Variants in SPACA7 observed in about 807,000 individuals in gnomAD.
The protein encoded by SPACA7 is sperm acrosome associated 7, also known as sperm acrosome-associated protein 7.
Under a neutral mutation model 26.3 loss-of-function variants are expected in SPACA7, and 19 were observed. The observed-to-expected ratio is 0.72, with a 90% CI of 0.50 to 1.06. SPACA7 has a LOEUF of 1.06. Among genes scored for constraint, SPACA7 ranks in the 50% least tolerant of loss-of-function variants. SPACA7 has a pLI of 0.00. For missense variants in SPACA7, 211 were observed against 229.9 expected, an observed-to-expected ratio of 0.92 and a Z score of 0.53; for synonymous variants, 84 against 84.5, an observed-to-expected ratio of 0.99 and a Z score of 0.04.
At chr13:112,432,025 T>C (rs1877195004) in intron 5 of SPACA7, among the ~76,000 whole-genome samples, 1 of 152,158 alleles carries the variant, frequency 6.6e-6, no homozygotes, top group South Asian at 2.1e-4. Context: ...TCAGTGTCTG[T>C]AAAACCTGTG....
At chr13:112,390,392 C>T (rs987340566) in intron 1 of SPACA7, among the ~76,000 whole-genome samples, 4 of 152,120 alleles carry the variant, frequency 2.6e-5, no homozygotes, top group Non-Finnish European at 5.9e-5. Flanking sequence ...ACGGAAGAAC[C>T]TTGCCCACGT....
intron 5 of SPACA7, among the ~76,000 whole-genome samples, chr13:112,429,505 G>A (rs943100256): frequency 6.6e-6 from 1 of 151,932 alleles, no homozygotes; most frequent in East Asian, 1.9e-4. Context: ...TCTTATCTTT[G>A]TCTATCATTT....
Position 112,399,183 on chromosome 13 carries a change from A to G in SPACA7, c.349+10A>G. Reference sequence around the variant, plus strand: ...AAAATTTCCAATGATGGTAAATGCAACCCAGTAATTACCCCTTCCCAAGTC... The same window carrying G: ...AAAATTTCCAATGATGGTAAATGCAGCCCAGTAATTACCCCTTCCCAAGTC... On this transcript the variant is annotated intron_variant, in intron 4 of 6. Coordinates refer to ENST00000283550, the MANE Select transcript of SPACA7 (RefSeq NM_145248.5). 1 of 1,397,834 alleles carries G rather than the reference A, an allele frequency of 7.2e-7. No individual in the cohort carries two copies. The highest frequency in any genetic ancestry group is 1.0e-6 in the Non-Finnish European group (1 of 982,904). The allele number at this position is 1,397,834 out of a possible 1,614,324, so 86.6% of individuals were successfully genotyped here.
At chr13:112,433,773 C>T (rs1877435474) in intron 6 of SPACA7, among the ~76,000 whole-genome samples, 1 of 149,612 alleles carries the variant, frequency 6.7e-6, no homozygotes, top group Non-Finnish European at 1.5e-5. Context: ...CTGCTCGTGC[C>T]CCCAGCAGCA....
chr13:112,390,128 G>A (rs776724296), intron 1 of SPACA7, among the ~76,000 whole-genome samples: 2 of 124,742 alleles, frequency 1.6e-5, no homozygotes, highest in Non-Finnish European at 3.9e-5. Context: ...AGAGAAGGGT[G>A]TAATGGGGGT....
intron 6 of SPACA7, 25 bp downstream of exon 6, chr13:112,432,546 G>A: frequency 6.6e-7 from 1 of 1,518,992 alleles, no homozygotes. Context: ...ATAGATAAGT[G>A]TCTTCTCATT....
intron 1 of SPACA7, among the ~76,000 whole-genome samples, chr13:112,377,957 T>G (rs1883799784): frequency 6.6e-6 from 1 of 152,208 alleles, no homozygotes; most frequent in African/African-American, 2.4e-5. Flanking sequence ...TTCTGGATTT[T>G]GGGCTCAAGG....
intron 1 of SPACA7, among the ~76,000 whole-genome samples, chr13:112,392,648 C>CT (rs1300701905): frequency 2.6e-5 from 4 of 152,206 alleles, no homozygotes; most frequent in Admixed American, 2.6e-4. Context: ...AACATGCCCT[C>CT]TTACTCTGCT....
intron 5 of SPACA7, among the ~76,000 whole-genome samples, chr13:112,425,537 G>A (rs1413190528): frequency 6.6e-6 from 1 of 152,118 alleles, no homozygotes; most frequent in Non-Finnish European, 1.5e-5. Context: ...TATTCGATTG[G>A]CACCAACATT....
intron 2 of SPACA7, among the ~76,000 whole-genome samples, chr13:112,397,255 C>T (rs1156799860): frequency 6.6e-6 from 1 of 152,192 alleles, no homozygotes; most frequent in Non-Finnish European, 1.5e-5. Flanking sequence ...TGAGGAGCTT[C>T]TTCTTGAGGG....
chr13:112,382,793 G>T (rs1884164006), intron 1 of SPACA7, among the ~76,000 whole-genome samples: 1 of 151,938 alleles, frequency 6.6e-6, no homozygotes, highest in Admixed American at 6.6e-5. Flanking sequence ...TTCGAGACCA[G>T]CCTGGCCAAC....
chr13:112,420,370 G>A (rs1044729079), intron 5 of SPACA7, among the ~76,000 whole-genome samples: 1 of 151,870 alleles, frequency 6.6e-6, no homozygotes, highest in African/African-American at 2.4e-5. Flanking sequence ...GGAGAGATAT[G>A]GAAATTATAA....
intron 1 of SPACA7, among the ~76,000 whole-genome samples, chr13:112,381,314 AC>A (rs1038692446): frequency 6.6e-6 from 1 of 151,924 alleles, no homozygotes; most frequent in African/African-American, 2.4e-5. Flanking sequence ...ATATGGTGAA[AC>A]CCCATCTCTA....
intron 5 of SPACA7, among the ~76,000 whole-genome samples, chr13:112,413,455 G>A (rs915569696): frequency 5.3e-5 from 8 of 151,246 alleles, no homozygotes; most frequent in South Asian, 2.1e-4. Flanking sequence ...GCTGCCAGAT[G>A]TATCAGAGCT....
At position 112,432,470 on chromosome 13, in the gene SPACA7, GA is replaced by G. The variant is rs1340524835; in HGVS notation, c.476del (p.Asn159IlefsTer52). Reference sequence around the variant, plus strand: ...AAAGAATTCAAAGAACACTCAGTATGAAAATCTATCCATTCTGGACCAAATC... The same window carrying G: ...AAAGAATTCAAAGAACACTCAGTATGAAATCTATCCATTCTGGACCAAATC... ...KEKNSKNTQY[E>X]NLSILDQILQ... On this transcript the variant is annotated frameshift_variant, in exon 6 of 7. Transcript: ENST00000283550. LOFTEE classifies it low-confidence loss of function (END_TRUNC). The G allele has an allele frequency of 6.2e-7, 1 of 1,611,282 alleles. No homozygotes were observed.
chr13:112,383,150 AAAG>A lies in SPACA7; in HGVS notation c.94+6674_94+6676del, dbSNP rs1884276118. ...GAAAGAAAGAAAGAAAGAAAGAAAG[AAAG>A]AAAGAAAGAAAGAAAGAAAGAAAGA... On this transcript the variant is annotated intron_variant, in intron 1 of 6. Coordinates refer to ENST00000283550, the MANE Select transcript of SPACA7 (RefSeq NM_145248.5). Among the ~76,000 whole-genome samples the A allele has an allele frequency of 4.1e-5, 5 of 122,708 alleles. No homozygotes were observed. The South Asian group carries it at 1.3e-3, about 32-fold the overall frequency. The allele number at this position is 122,708 out of a possible 152,430, so 80.5% of individuals were successfully genotyped here.
chr13:112,404,843 GATA>G (rs1338282480), intron 5 of SPACA7, among the ~76,000 whole-genome samples: 2 of 152,118 alleles, frequency 1.3e-5, no homozygotes, highest in Non-Finnish European at 2.9e-5. Context: ...TTTAAAGTCA[GATA>G]ATGTGATGCC....
chr13:112,427,440 A>C (rs1876641606), intron 5 of SPACA7, among the ~76,000 whole-genome samples: 1 of 152,182 alleles, frequency 6.6e-6, no homozygotes, highest in Non-Finnish European at 1.5e-5. Context: ...TGTTGGATTT[A>C]ATTTGCTGAA....
At chr13:112,402,259 A>G (rs1367875969) in intron 5 of SPACA7, among the ~76,000 whole-genome samples, 2 of 152,194 alleles carry the variant, frequency 1.3e-5, no homozygotes, top group African/African-American at 4.8e-5. Context: ...TTATACTGTC[A>G]TGATAAGCTT....
Sources: allele counts gnomAD v4.1 joint callset (sites outside exome capture counted in the v4.1 genomes callset), GRCh38; gene constraint gnomAD v4.1.1; transcripts MANE v1.5; gene names NCBI Gene and HGNC (gene_info 2026-07-23, HGNC 2026-07-21).